SHTN1: variants seen among roughly 807,000 people sequenced by gnomAD.
The protein encoded by SHTN1 is shootin-1.
In SHTN1, 42 loss-of-function variants were observed where a neutral mutation model predicts 83.1. That is an observed-to-expected ratio of 0.51 (90% confidence interval 0.39 to 0.65). SHTN1 has a LOEUF of 0.65. Ranked by LOEUF, SHTN1 falls within the 30% of genes least tolerant of loss-of-function variation. The pLI, the probability that SHTN1 is intolerant of heterozygous loss-of-function variation, is 0.00. For missense variants in SHTN1, 622 were observed against 737.8 expected (o/e 0.84, Z 1.82); for synonymous variants, 224 against 247.7 (o/e 0.90, Z 0.90).
In SHTN1 at chr10:116,985,537, T is replaced by C. The variant is rs572752337; in HGVS notation, c.59-6229A>G. 9.4e-4 allele frequency among the ~76,000 whole-genome samples: 143 copies of C among 152,246 alleles called. 2 individuals are homozygous for C. The highest frequency in any genetic ancestry group is 1.9e-3 in the Non-Finnish European group (126 of 68,012). ...AGATTATTTGATAAACGTGTTAAATTAAGGAAGAAGGAAGAATGGATCTAG... is the reference window on the plus strand; with the variant it reads ...AGATTATTTGATAAACGTGTTAAATCAAGGAAGAAGGAAGAATGGATCTAG... On this transcript the variant is annotated intron_variant, in intron 1 of 16. Transcript: ENST00000355371.
intron 1 of SHTN1, among the ~76,000 whole-genome samples, chr10:116,996,809 T>C (rs1403335735): frequency 6.6e-6 from 1 of 152,164 alleles, no homozygotes; most frequent in Non-Finnish European, 1.5e-5. Context: ...TGAGACAATA[T>C]ACTTAAATCT....
chr10:117,027,266 T>A (rs1007919033), intron 2 of SHTN1, among the ~76,000 whole-genome samples: 2 of 152,108 alleles, frequency 1.3e-5, no homozygotes, highest in African/African-American at 4.8e-5. Context: ...ATCCCTTTGA[T>A]GCTGTTCTTG....
chr10:117,082,849 G>A (rs992374033), intron 1 of SHTN1, among the ~76,000 whole-genome samples: 121 of 151,576 alleles, frequency 8.0e-4, no homozygotes, highest in African/African-American at 2.6e-3. Context: ...TCAGAGACTA[G>A]GATTGCAACC....
At chr10:117,074,047 G>A (rs1479137120) in intron 1 of SHTN1, among the ~76,000 whole-genome samples, 1 of 152,120 alleles carries the variant, frequency 6.6e-6, no homozygotes, top group African/African-American at 2.4e-5. Flanking sequence ...AATGCTATAC[G>A]TTAAGTCCCG....
chr10:117,009,277 G>C (rs1362640622), upstream of SHTN1, among the ~76,000 whole-genome samples: 1 of 151,998 alleles, frequency 6.6e-6, no homozygotes, highest in African/African-American at 2.4e-5. Flanking sequence ...AAGACATATA[G>C]ATAATACATA....
At position 116,883,509 on chromosome 10, in the gene SHTN1, C is replaced by G. The variant is rs1338096332; in HGVS notation, c.*2835G>C. 6.6e-6 allele frequency: 1 copy of G among 152,140 alleles called. No individual in the cohort carries two copies. The highest frequency in any genetic ancestry group is 1.5e-5 in the Non-Finnish European group (1 of 68,038). 9.4% of individuals were successfully genotyped at this position (152,140 alleles called of 1,614,324 possible). A position where few individuals can be genotyped will look rare whatever the true frequency, so the allele number is the denominator to read the frequency against. The stretch of plus-strand genomic sequence containing the variant: ...TCTCGACAACTTACTGGTATATAAG[C>G]TAATGTTGTTCCACAACGAGTGTAA... On this transcript the variant is annotated 3_prime_UTR_variant, in exon 17 of 17. Coordinates refer to ENST00000355371, the MANE Select transcript of SHTN1 (RefSeq NM_001127211.3).
At chr10:116,987,320 T>C (rs1262104894) in intron 1 of SHTN1, among the ~76,000 whole-genome samples, 1 of 152,160 alleles carries the variant, frequency 6.6e-6, no homozygotes, top group Non-Finnish European at 1.5e-5. Context: ...CTTCCTTCCA[T>C]ACGTTACCAC....
At position 117,085,327 on chromosome 10, in the gene SHTN1, G is replaced by C. The variant is rs531854806; in HGVS notation, c.-188-36817C>G. 2.8e-3 allele frequency among the ~76,000 whole-genome samples: 425 copies of C among 152,160 alleles called. 6 individuals carry two copies. Among genetic ancestry groups the C allele is most frequent in the Non-Finnish European group, 3.5e-3 (235 of 67,984 alleles). ...TGCTTTTACTGGTCCCACAAATTTT[G>C]ATAAGTTGTATTTTTATGTTTACTT... On this transcript the variant is annotated intron_variant, in intron 1 of 17. Transcript: ENST00000392901.
chr10:117,077,983 A>T (rs1188552363), intron 1 of SHTN1, among the ~76,000 whole-genome samples: 1 of 151,198 alleles, frequency 6.6e-6, no homozygotes, highest in Non-Finnish European at 1.5e-5. Context: ...ACCTTAATCG[A>T]AGAAGGTCGA....
intron 5 of SHTN1, 26 bp downstream of exon 5, chr10:116,954,016 C>A: frequency 6.3e-7 from 1 of 1,582,556 alleles, no homozygotes; most frequent in Non-Finnish European, 8.6e-7. Context: ...AAAAAATATG[C>A]TCAATAATTA....
chr10:117,065,848 G>A (rs1306426203), intron 1 of SHTN1, among the ~76,000 whole-genome samples: 9 of 72,446 alleles, frequency 1.2e-4, no homozygotes, highest in Admixed American at 1.1e-3. Context: ...AAGGAAGGAA[G>A]GAAGGAAAGG....
Position 117,005,086 on chromosome 10 carries a change from G to C in SHTN1, c.-7C>G. ...CTTCGTCCGAGCTGTTCATTTTGGC[G>C]GGTGGGGCCGGGAATAAAAGGGAAA... is the stretch of plus-strand genomic sequence containing the variant. On this transcript the variant is annotated 5_prime_UTR_variant, in exon 1 of 17. Coordinates refer to ENST00000355371, the MANE Select transcript of SHTN1 (RefSeq NM_001127211.3). The C allele has an allele frequency of 1.3e-6, 2 of 1,590,648 alleles. No individual in the cohort carries two copies. The highest frequency in any genetic ancestry group is 1.7e-6 in the Non-Finnish European group (2 of 1,168,542).
At chr10:117,021,587 C>A (rs1464003515) in intron 2 of SHTN1, among the ~76,000 whole-genome samples, 1 of 152,078 alleles carries the variant, frequency 6.6e-6, no homozygotes, top group African/African-American at 2.4e-5. Flanking sequence ...GCAACCATCA[C>A]CACAATCTAA....
chr10:116,961,238 G>A (rs894072871), intron 3 of SHTN1, among the ~76,000 whole-genome samples: 2 of 151,940 alleles, frequency 1.3e-5, no homozygotes, highest in Admixed American at 6.6e-5. Flanking sequence ...TAATTAACCT[G>A]CAATTATGAT....
chr10:116,977,414 A>G (rs1170534629), intron 2 of SHTN1, among the ~76,000 whole-genome samples: 2 of 152,098 alleles, frequency 1.3e-5, no homozygotes, highest in Non-Finnish European at 2.9e-5. Context: ...TCAGGGACTG[A>G]TATCATCTCA....
intron 2 of SHTN1, among the ~76,000 whole-genome samples, chr10:117,018,912 G>A (rs1852223295): frequency 6.6e-6 from 1 of 151,906 alleles, no homozygotes; most frequent in Non-Finnish European, 1.5e-5. Context: ...GGACATCCTA[G>A]CCAGTACAGT....
chr10:116,997,265 C>T (rs1851658254), intron 1 of SHTN1, among the ~76,000 whole-genome samples: 1 of 152,226 alleles, frequency 6.6e-6, no homozygotes, highest in Non-Finnish European at 1.5e-5. Context: ...TTTGTCCTAA[C>T]ACTTTTCTAA....
At chr10:117,119,280 T>C (rs1486547899) in intron 1 of SHTN1, among the ~76,000 whole-genome samples, 4 of 152,102 alleles carry the variant, frequency 2.6e-5, no homozygotes, top group Admixed American at 2.0e-4. Flanking sequence ...GAGAAAATAT[T>C]TGCAAACTGC....
At chr10:116,940,419 G>C (rs1394944896) in intron 9 of SHTN1, 47 bp downstream of exon 9, 1 of 1,574,560 alleles carries the variant, frequency 6.4e-7, no homozygotes. Flanking sequence ...ATGTGTGTAT[G>C]CATGTATGTG....
Sources: allele counts gnomAD v4.1 joint callset (sites outside exome capture counted in the v4.1 genomes callset), GRCh38; gene constraint gnomAD v4.1.1; transcripts MANE v1.5; gene names NCBI Gene and HGNC (gene_info 2026-07-23, HGNC 2026-07-21).